TMC1: variants seen among roughly 807,000 people sequenced by gnomAD.
The protein encoded by TMC1 is transmembrane channel like 1, also known as transmembrane channel-like protein 1.
Under a neutral mutation model 105.8 loss-of-function variants are expected in TMC1, and 84 were observed. That is an observed-to-expected ratio of 0.79 (90% CI 0.67 to 0.95). The LOEUF is 0.95. Among genes scored for constraint, TMC1 ranks in the 40% least tolerant of loss-of-function variants. The probability of loss-of-function intolerance (pLI) is 0.00; values close to 1 mark genes in which losing one functional copy is unlikely to be tolerated. For missense variants in TMC1, 817 were observed against 914.1 expected (o/e 0.89, Z 1.37); for synonymous variants, 315 against 311.5 (o/e 1.01, Z -0.12).
At chr9:72,796,605 G>C (rs543541440) in intron 17 of TMC1, among the ~76,000 whole-genome samples, 1 of 152,034 alleles carries the variant, frequency 6.6e-6, no homozygotes, top group Non-Finnish European at 1.5e-5. Flanking sequence ...CATGTAAAAA[G>C]AAATAAAGAG....
chr9:72,663,670 AC>A (rs1825999450), intron 5 of TMC1, among the ~76,000 whole-genome samples: 1 of 152,146 alleles, frequency 6.6e-6, no homozygotes, highest in African/African-American at 2.4e-5. Context: ...GACTTTATAA[AC>A]ACCATATACT....
chr9:72,760,057 T>G (rs1220865221), intron 12 of TMC1, among the ~76,000 whole-genome samples: 1 of 151,334 alleles, frequency 6.6e-6, no homozygotes, highest in East Asian at 1.9e-4. Flanking sequence ...AGCTTTCATG[T>G]TTTTTTTTCC....
intron 5 of TMC1, among the ~76,000 whole-genome samples, chr9:72,686,557 G>T (rs1363387631): frequency 1.3e-5 from 2 of 152,154 alleles, no homozygotes; most frequent in African/African-American, 2.4e-5. Context: ...TGAGGATCTT[G>T]GTAGTGTCTT....
At chr9:72,636,706 T>TAAAAAAAAAA (rs1245707502) in intron 4 of TMC1, among the ~76,000 whole-genome samples, 1 of 35,322 alleles carries the variant, frequency 2.8e-5, no homozygotes, top group African/African-American at 1.6e-4. Flanking sequence ...AGACTCCATC[T>TAAAAAAAAAA]CAAAAAAAAA....
intron 1 of TMC1, among the ~76,000 whole-genome samples, chr9:72,548,212 A>G (rs909949734): frequency 3.3e-5 from 5 of 152,190 alleles, no homozygotes; most frequent in African/African-American, 1.2e-4. Flanking sequence ...TTACATGTAG[A>G]ATACAGTATT....
At chr9:72,833,605 G>A (rs534991372) in intron 23 of TMC1, among the ~76,000 whole-genome samples, 1 of 152,254 alleles carries the variant, frequency 6.6e-6, no homozygotes, top group East Asian at 1.9e-4. Flanking sequence ...CAGTAAGAAA[G>A]GGTATGTGAG....
intron 10 of TMC1, among the ~76,000 whole-genome samples, chr9:72,751,361 T>C (rs1465546461): frequency 6.6e-6 from 1 of 152,252 alleles, no homozygotes; most frequent in Non-Finnish European, 1.5e-5. Flanking sequence ...GTAAGATAAC[T>C]ATCCGTAAAG....
At chr9:72,618,183 C>T (rs1163981120) in intron 3 of TMC1, among the ~76,000 whole-genome samples, 1 of 151,704 alleles carries the variant, frequency 6.6e-6, no homozygotes, top group East Asian at 1.9e-4. Context: ...TGCCCACCAC[C>T]ACGCCCGGCT....
chr9:72,618,060 A>C (rs1271595113), intron 3 of TMC1, among the ~76,000 whole-genome samples: 6 of 104,894 alleles, frequency 5.7e-5, no homozygotes, highest in Non-Finnish European at 9.3e-5. Context: ...ACAAAGTCTC[A>C]TTTTGTTACC....
At chr9:72,784,441 CAG>C (rs1828139107) in intron 13 of TMC1, among the ~76,000 whole-genome samples, 1 of 151,998 alleles carries the variant, frequency 6.6e-6, no homozygotes, top group Non-Finnish European at 1.5e-5. Context: ...AAACAAAAAA[CAG>C]ATGCTGGCAT....
chr9:72,689,182 G>A (rs1826422161), intron 6 of TMC1, among the ~76,000 whole-genome samples: 1 of 152,002 alleles, frequency 6.6e-6, no homozygotes, highest in South Asian at 2.1e-4. Flanking sequence ...ACATAGAGTG[G>A]GGAAACACAA....
chr9:72,712,501 TC>T (rs1826852764), intron 8 of TMC1, among the ~76,000 whole-genome samples: 1 of 152,164 alleles, frequency 6.6e-6, no homozygotes, highest in Non-Finnish European at 1.5e-5. Flanking sequence ...TAAGTTAGAT[TC>T]CTAGGTATTT....
At chr9:72,656,226 G>A (rs912499172) in intron 5 of TMC1, 1 of 488,646 alleles carries the variant, frequency 2.0e-6, no homozygotes, top group Non-Finnish European at 4.0e-6. Context: ...TACTTGTTCC[G>A]GCAAGAGTGA....
At chr9:72,775,808 G>T (rs1213167014) in intron 13 of TMC1, among the ~76,000 whole-genome samples, 1 of 152,156 alleles carries the variant, frequency 6.6e-6, no homozygotes, top group African/African-American at 2.4e-5. Flanking sequence ...CACTCCTGGT[G>T]GAAGGCAAAG....
rs138584495 is a variant in TMC1 at position 72,647,786 on chromosome 9, A to T, written c.-52-811A>T. On this transcript the variant is annotated intron_variant, in intron 4 of 23. Coordinates refer to ENST00000297784, the MANE Select transcript of TMC1 (RefSeq NM_138691.3). ...GTGCCACCAGGATCCATTTCAAAACATTGCTTCCTCTTGCCAAGGTTAGTG... is the reference window on the plus strand; with the variant it reads ...GTGCCACCAGGATCCATTTCAAAACTTTGCTTCCTCTTGCCAAGGTTAGTG... Among the ~76,000 whole-genome samples, 417 of 152,214 alleles carry T rather than the reference A, an allele frequency of 2.7e-3. 1 individual carries two copies. The highest frequency in any genetic ancestry group is 9.8e-3 in the African/African-American group (405 of 41,524).
intron 18 of TMC1, among the ~76,000 whole-genome samples, chr9:72,806,388 C>G (rs1390976563): frequency 7.9e-5 from 11 of 139,762 alleles, no homozygotes; most frequent in African/African-American, 2.1e-4. Flanking sequence ...GGCGGCTGGC[C>G]GGGCGGGGGG....
At chr9:72,728,837 A>C (rs1827162660) in intron 8 of TMC1, among the ~76,000 whole-genome samples, 1 of 152,050 alleles carries the variant, frequency 6.6e-6, no homozygotes, top group Admixed American at 6.6e-5. Flanking sequence ...AGAGTTAGGA[A>C]AAGTTTTAAT....
intron 1 of TMC1, among the ~76,000 whole-genome samples, chr9:72,523,263 A>G (rs1823345871): frequency 6.6e-6 from 1 of 151,982 alleles, no homozygotes; most frequent in Admixed American, 6.6e-5. Context: ...GAAGAAGAGG[A>G]GGAAGGAGGG....
intron 8 of TMC1, among the ~76,000 whole-genome samples, chr9:72,728,015 C>A (rs566035658): frequency 6.6e-6 from 1 of 152,036 alleles, no homozygotes; most frequent in Admixed American, 6.6e-5. Flanking sequence ...GTGTAAAATT[C>A]TTTTTCCCTC....
Sources: gnomAD v4.1 joint callset for allele counts (sites outside exome capture counted in the v4.1 genomes callset) on GRCh38, gnomAD v4.1.1 for gene constraint, MANE v1.5 for transcripts, NCBI Gene and HGNC (gene_info 2026-07-23, HGNC 2026-07-21) for gene names.